Variants in SAMHD1 observed in about 807,000 individuals in gnomAD.
SAMHD1 encodes the protein deoxynucleoside triphosphate triphosphohydrolase SAMHD1.
A neutral mutation model predicts 79.6 loss-of-function variants in SAMHD1; 54 were observed. That is an observed-to-expected ratio of 0.68 (90% CI 0.55 to 0.85). SAMHD1 has a LOEUF of 0.85. Ranked by LOEUF, SAMHD1 falls within the 40% of genes least tolerant of loss-of-function variation. The probability of loss-of-function intolerance (pLI) is 0.00; values close to 1 mark genes in which losing one functional copy is unlikely to be tolerated. For missense variants in SAMHD1, 663 were observed against 782.7 expected, an observed-to-expected ratio of 0.85 and a Z score of 1.82; for synonymous variants, 260 against 264.1, an observed-to-expected ratio of 0.98 and a Z score of 0.15.
At position 36,927,064 on chromosome 20, in the gene SAMHD1, GA is replaced by G. The variant is rs1254466422; in HGVS notation, c.696+117del. The G allele has an allele frequency of 5.7e-6, 5 of 870,438 alleles. No homozygotes were observed. The East Asian group carries it at 1.2e-4, about 21-fold the overall frequency. 53.9% of individuals were successfully genotyped at this position (870,438 alleles called of 1,614,324 possible). A position where few individuals can be genotyped will look rare whatever the true frequency, so the allele number is the denominator to read the frequency against. ...TATATATGTGAATGAAAGCACCCTG[GA>G]CACTGTAATGGGGAAGTATTTTATA... On this transcript the variant is annotated intron_variant, in intron 6 of 15. Transcript: ENST00000646673.
intron 2 of SAMHD1, 72 bp downstream of exon 2, chr20:36,946,666 T>C (rs2063688486): frequency 1.9e-5 from 22 of 1,137,568 alleles, no homozygotes; most frequent in Non-Finnish European, 2.7e-5. Flanking sequence ...ATATCAGAGA[T>C]TTTGGGCTTT....
intron 9 of SAMHD1, among the ~76,000 whole-genome samples, chr20:36,914,253 G>C (rs1319832887): frequency 1.3e-5 from 2 of 152,026 alleles, no homozygotes; most frequent in Non-Finnish European, 2.9e-5. Flanking sequence ...CTGTTCCTGA[G>C]CCTACTTAAT....
At chr20:36,912,417 T>A (rs780213949) in intron 10 of SAMHD1, 44 bp downstream of exon 10, 1 of 1,282,256 alleles carries the variant, frequency 7.8e-7, no homozygotes, top group South Asian at 1.2e-5. Context: ...TCTAGCCAAG[T>A]ATCAAGGAAA....
At chr20:36,900,493 G>A (rs778542808) in intron 13 of SAMHD1, among the ~76,000 whole-genome samples, 11 of 152,070 alleles carry the variant, frequency 7.2e-5, no homozygotes, top group Non-Finnish European at 1.3e-4. Context: ...TGATCCACCT[G>A]CCTCAGCCTC....
At chr20:36,948,498 C>G (rs1304504077) in intron 1 of SAMHD1, among the ~76,000 whole-genome samples, 2 of 152,106 alleles carry the variant, frequency 1.3e-5, no homozygotes, top group Admixed American at 1.3e-4. Flanking sequence ...GGTGATCTAC[C>G]TGCTTCGGCC....
chr20:36,912,576 A>G (rs781294425), intron 9 of SAMHD1, 24 bp from the exon 10 acceptor site: 1 of 1,463,298 alleles, frequency 6.8e-7, no homozygotes, highest in Non-Finnish European at 9.6e-7. Context: ...TGAAGTAAAT[A>G]TTAATAGGAT....
At chr20:36,904,448 G>A (rs2063393950) in intron 12 of SAMHD1, 199 bp from the exon 13 acceptor site, 4 of 545,842 alleles carry the variant, frequency 7.3e-6, no homozygotes, top group Admixed American at 5.6e-5. Context: ...GCCAGGCGCA[G>A]TGGCTCACGT....
chr20:36,903,711 G>A (rs535766027), intron 13 of SAMHD1, among the ~76,000 whole-genome samples: 27 of 151,598 alleles, frequency 1.8e-4, no homozygotes, highest in South Asian at 1.7e-3. Flanking sequence ...CACCAAGCCC[G>A]GCTAATTTTT....
chr20:36,936,813 A>G (rs1044547973), intron 3 of SAMHD1, among the ~76,000 whole-genome samples: 3 of 152,000 alleles, frequency 2.0e-5, no homozygotes, highest in Non-Finnish European at 2.9e-5. Flanking sequence ...CTGGAACTAT[A>G]CCACGCCTGG....
Position 36,904,682 on chromosome 20 carries a change from A to T in SAMHD1, c.1411-433T>A, listed in dbSNP as rs144654290. On this transcript the variant is annotated intron_variant, in intron 12 of 15. Coordinates refer to ENST00000646673, the MANE Select transcript of SAMHD1 (RefSeq NM_015474.4). ...CAGTGAGCTGAGATCGCGCCACTGC[A>T]CTCTAACCTGGGTGACAGAGCGAGA... is the stretch of plus-strand genomic sequence containing the variant. 605 of 219,352 alleles carry T rather than the reference A, an allele frequency of 2.8e-3. 5 individuals are homozygous for T. The highest frequency in any genetic ancestry group is 0.014 in the African/African-American group (581 of 43,008). 13.6% of individuals were successfully genotyped at this position (219,352 alleles called of 1,614,324 possible). A position where few individuals can be genotyped will look rare whatever the true frequency, so the allele number is the denominator to read the frequency against.
chr20:36,897,012 G>C (rs949160572), intron 15 of SAMHD1, among the ~76,000 whole-genome samples: 1 of 152,058 alleles, frequency 6.6e-6, no homozygotes, highest in Non-Finnish European at 1.5e-5. Context: ...CTGCCTTCTA[G>C]ATCTAGCAGA....
intron 6 of SAMHD1, 136 bp downstream of exon 6, chr20:36,927,046 G>A: frequency 3.1e-5 from 22 of 701,928 alleles, no homozygotes; most frequent in Non-Finnish European, 4.3e-5. Context: ...ATATATATAT[G>A]TGAATGAAAG....
chr20:36,898,347 T>G (rs1454867530), intron 14 of SAMHD1, 93 bp downstream of exon 14: 4 of 957,426 alleles, frequency 4.2e-6, no homozygotes, highest in Non-Finnish European at 5.1e-6. Flanking sequence ...TGTAAAGATA[T>G]GCCTTAAAAC....
Position 36,904,216 on chromosome 20 carries a change from T to C in SAMHD1, c.1444A>G (p.Ser482Gly), listed in dbSNP as rs1451618642. Residue 482 changes from serine (S) to glycine (G), a missense_variant, in exon 13 of 16, where the codon AGT becomes GGT. By Grantham distance (56) the Ser-to-Gly change is moderately conservative. Transcript: ENST00000646673. Reference protein sequence around the residue: ...DYESLPKEVASAKPKVLLDVK... With the variant: ...DYESLPKEVAGAKPKVLLDVK... ...TCTAGCAATACTTTGGGTTTAGCAC[T>C]GGCAACCTCTTTTGGAAGAGATTCA... 6.2e-6 allele frequency: 10 copies of C among 1,613,676 alleles called. No individual in the cohort carries two copies. Among genetic ancestry groups the C allele is most frequent in the Non-Finnish European group, 8.5e-6 (10 of 1,179,702 alleles).
At chr20:36,940,884 C>G (rs2063639018) in intron 3 of SAMHD1, 155 bp downstream of exon 3, 1 of 659,218 alleles carries the variant, frequency 1.5e-6, no homozygotes, top group Admixed American at 2.4e-5. Flanking sequence ...ACTCTGTGCT[C>G]ATTTTAGAAA....
intron 6 of SAMHD1, among the ~76,000 whole-genome samples, chr20:36,923,981 G>A (rs2063521557): frequency 6.6e-6 from 1 of 152,066 alleles, no homozygotes; most frequent in Admixed American, 6.6e-5. Context: ...CAGGTGTGGT[G>A]GCTTAGGCCT....
In SAMHD1 at chr20:36,919,399, C is replaced by T; in HGVS notation, c.817G>A (p.Val273Ile). 2 of 1,613,678 alleles carry T rather than the reference C, an allele frequency of 1.2e-6. No homozygotes were observed. Among genetic ancestry groups the T allele is most frequent in the Non-Finnish European group, 1.7e-6 (2 of 1,179,758 alleles). Residue 273 changes from valine to isoleucine, a missense_variant, in exon 7 of 16, where the codon GTA (valine) becomes ATA (isoleucine). Transcript: ENST00000646673. ...TCGACAGGTGATTCAAGTGGTCCTA[C>T]AATTTGTTCCTTTATAAAGCAAATA... is the stretch of plus-strand genomic sequence containing the variant. The part of the protein sequence containing the change: ...EDICFIKEQI[V>I]GPLESPVEDS...
rs564607447 is a variant in SAMHD1 at position 36,924,288 on chromosome 20, AAAGAAAAGGAAGGGAAAG to A, written c.696+2876_696+2893del. On this transcript the variant is annotated intron_variant, in intron 6 of 15. Coordinates refer to ENST00000646673, the MANE Select transcript of SAMHD1 (RefSeq NM_015474.4). ...GGGAAAGGAGGGAAGGGGGAAGGGG[AAAGAAAAGGAAGGGAAAG>A]AAGGGAAGGAAGGGAAAGAAAGGAA... Among the ~76,000 whole-genome samples the A allele has an allele frequency of 2.8e-3, 415 of 150,558 alleles. 1 individual carries two copies. The highest frequency in any genetic ancestry group is 9.6e-3 in the African/African-American group (391 of 40,906).
At chr20:36,938,799 T>C (rs1039700816) in intron 3 of SAMHD1, among the ~76,000 whole-genome samples, 3 of 151,764 alleles carry the variant, frequency 2.0e-5, no homozygotes, top group Admixed American at 6.6e-5. Context: ...TGAGCCGAGA[T>C]TGCACCACTG....
Sources: allele counts gnomAD v4.1 joint callset (sites outside exome capture counted in the v4.1 genomes callset), GRCh38; gene constraint gnomAD v4.1.1; transcripts MANE v1.5; gene names NCBI Gene and HGNC (gene_info 2026-07-23, HGNC 2026-07-21).